Variants in MPDZ observed in about 807,000 individuals in gnomAD.
MPDZ encodes the protein multiple PDZ domain protein.
A neutral mutation model predicts 239.1 loss-of-function variants in MPDZ; 234 were observed. The ratio of observed to expected loss-of-function variants is 0.98; its 90% CI spans 0.88 to 1.09. The LOEUF is 1.09. Ranked by LOEUF, MPDZ falls within the 50% of genes least tolerant of loss-of-function variation. The pLI, the probability that MPDZ is intolerant of heterozygous loss-of-function variation, is 0.00. For synonymous variants in MPDZ, 1,048 were observed against 881.3 expected (o/e 1.19, Z -3.35); for missense variants, 3,175 against 2,510.0 (o/e 1.26, Z -5.66).
rs772699513 is a variant in MPDZ at position 13,121,856 on chromosome 9, C to T, written c.5114G>A (p.Arg1705His). Residue 1705 changes from arginine to histidine, a missense_variant, in exon 38 of 47, where the codon CGC becomes CAC. Arg to His is a conservative substitution (Grantham distance 29). Transcript: ENST00000319217. ...NVLRQTPQRV[R>H]LTLYRDEAPY... is the part of the protein sequence containing the mutation. The stretch of plus-strand genomic sequence containing the variant: ...GGCCTCATCTCTGTAGAGTGTCAGG[C>T]GCACTCTCTGTGGCGTCTGTCTCAG... 4.3e-5 allele frequency: 69 copies of T among 1,613,712 alleles called. No homozygotes were observed. In the East Asian group the frequency reaches 6.9e-4, roughly 16 times the overall value.
At chr9:13,278,658 T>C (rs11790299) in intron 1 of MPDZ, among the ~76,000 whole-genome samples, 23,739 of 150,846 alleles carry the variant, frequency 0.16, 2,056 homozygotes, top group Non-Finnish European at 0.17. Flanking sequence ...GCGCGGGGGG[T>C]GAGGAGACTA....
chr9:13,107,031 G>C lies in MPDZ; in HGVS notation c.6147C>G (p.Thr2049=), dbSNP rs1249265232. Residue 2049 remains threonine, a synonymous_variant, in exon 47 of 47, where the codon ACC becomes ACG. Transcript: ENST00000319217. ...AVNGQSLEGV[T]HEEAVAILKR... is the part of the protein sequence containing the mutation. ...TAAGGATGGCAACAGCTTCTTCATGGGTGACTCCTTCTAGACTCTGCCCAT... is the reference window on the plus strand; with the variant it reads ...TAAGGATGGCAACAGCTTCTTCATGCGTGACTCCTTCTAGACTCTGCCCAT... 2 of 1,613,156 alleles carry C rather than the reference G, an allele frequency of 1.2e-6. No homozygotes were observed. Among genetic ancestry groups the C allele is most frequent in the Middle Eastern group, 1.7e-4 (1 of 6,054 alleles).
intron 3 of MPDZ, among the ~76,000 whole-genome samples, chr9:13,236,191 G>GTA (rs963300467): frequency 8.7e-5 from 8 of 91,802 alleles, no homozygotes; most frequent in South Asian, 4.3e-4. Flanking sequence ...GTGTGTTTCT[G>GTA]TATATATGTG....
intron 39 of MPDZ, among the ~76,000 whole-genome samples, chr9:13,118,520 C>A (rs1165740354): frequency 6.6e-6 from 1 of 152,190 alleles, no homozygotes; most frequent in African/African-American, 2.4e-5. Context: ...TGAGCACTGT[C>A]ATGCAGGCTT....
intron 29 of MPDZ, 134 bp from the exon 30 acceptor site, chr9:13,136,937 T>TC (rs978795143): frequency 6.4e-6 from 3 of 465,448 alleles, no homozygotes; most frequent in Non-Finnish European, 1.1e-5. Flanking sequence ...TATATTTTCC[T>TC]CCCCAAAACA....
chr9:13,182,321 C>T (rs1285064854), intron 19 of MPDZ, among the ~76,000 whole-genome samples: 3 of 151,986 alleles, frequency 2.0e-5, no homozygotes, highest in East Asian at 3.9e-4. Context: ...GAACTCTTTG[C>T]CATGATTTAA....
rs909164955 is a variant in MPDZ, at chr9:13,232,790, G to T, written c.184-8207C>A. On this transcript the variant is annotated intron_variant, in intron 3 of 46. Coordinates refer to ENST00000319217, the MANE Select transcript of MPDZ (RefSeq NM_001378778.1). ...TACAATACAAATATCCAGCAAAGAA[G>T]TTGTATTCAGGAAATATAAAGAACT... Among the ~76,000 whole-genome samples, 7 of 148,430 alleles carry T rather than the reference G, an allele frequency of 4.7e-5. No individual in the cohort carries two copies. The Admixed American group carries it at 4.7e-4, about 10-fold the overall frequency.
intron 34 of MPDZ, among the ~76,000 whole-genome samples, chr9:13,125,920 C>T (rs1945042463): frequency 6.6e-6 from 1 of 152,118 alleles, no homozygotes; most frequent in African/African-American, 2.4e-5. Flanking sequence ...TAAAAAGTAA[C>T]TTTAAGCTTC....
chr9:13,279,290 C>T (rs1423728313), intron 1 of MPDZ, 110 bp downstream of exon 1: 1 of 139,598 alleles, frequency 7.2e-6, no homozygotes, highest in African/African-American at 2.5e-5. Flanking sequence ...CGCCCCCACC[C>T]CCACCCCCAA....
chr9:13,214,123 T>C (rs1957983866), intron 10 of MPDZ, among the ~76,000 whole-genome samples: 1 of 152,042 alleles, frequency 6.6e-6, no homozygotes, highest in African/African-American at 2.4e-5. Context: ...TGTACGTGAA[T>C]GTTCACAGCA....
At chr9:13,147,305 T>C (rs1040894198) in intron 26 of MPDZ, among the ~76,000 whole-genome samples, 3 of 152,052 alleles carry the variant, frequency 2.0e-5, no homozygotes, top group Admixed American at 2.0e-4. Context: ...TCTAGATACC[T>C]AGAGATACTG....
chr9:13,109,421 C>T (rs1013779053), intron 45 of MPDZ, among the ~76,000 whole-genome samples: 3 of 152,124 alleles, frequency 2.0e-5, no homozygotes, highest in Non-Finnish European at 1.5e-5. Context: ...TCATAAACAT[C>T]AGTACGCCCA....
At chr9:13,279,155 TTAAA>T (rs1974976186) in intron 1 of MPDZ, 2 of 150,082 alleles carry the variant, frequency 1.3e-5, no homozygotes, top group South Asian at 4.2e-4. Context: ...CCCCATCCTT[TTAAA>T]AAAGCCACAG....
intron 1 of MPDZ, among the ~76,000 whole-genome samples, chr9:13,254,247 C>G (rs1013731090): frequency 1.3e-5 from 2 of 152,140 alleles, no homozygotes; most frequent in African/African-American, 4.8e-5. Context: ...ATATTAGAAA[C>G]CACCGGTCGG....
Position 13,176,239 on chromosome 9 carries a change from T to G in MPDZ, c.2828A>C (p.Gln943Pro), listed in dbSNP as rs1357716880. The G allele has an allele frequency of 6.2e-7, 1 of 1,606,664 alleles. No individual in the cohort carries two copies. Among genetic ancestry groups the G allele is most frequent in the East Asian group, 2.2e-5 (1 of 44,564 alleles). Residue 943 changes from glutamine (Q) to proline (P), a missense_variant, in exon 20 of 47, where the codon CAA (glutamine) becomes CCA (proline). By Grantham distance (76) the Gln-to-Pro change is moderately conservative (BLOSUM62 -1). Transcript: ENST00000319217. ...DYTPANAIEQ[Q>P]YECENTIVWT... ...CACTATTGTGTTTTCACATTCATAT[T>G]GTTGTTCAATAGCATTTGCAGGTGT...
chr9:13,227,388 T>A (rs1252299601), intron 3 of MPDZ, among the ~76,000 whole-genome samples: 1 of 152,044 alleles, frequency 6.6e-6, no homozygotes, highest in Non-Finnish European at 1.5e-5. Context: ...TTTTTTTTTA[T>A]CCTGAGCCAT....
At chr9:13,195,645 TA>T in intron 13 of MPDZ, among the ~76,000 whole-genome samples, 1 of 152,128 alleles carries the variant, frequency 6.6e-6, no homozygotes, top group Middle Eastern at 3.4e-3. Flanking sequence ...CACCACAGCA[TA>T]AGTGGTATGA....
chr9:13,121,864 C>A lies in MPDZ; in HGVS notation c.5106G>T (p.Gln1702His), dbSNP rs959095849. ...CTCTGTAGAGTGTCAGGCGCACTCT[C>A]TGTGGCGTCTGTCTCAGGACATTGA... is the stretch of plus-strand genomic sequence containing the variant. ...EAINVLRQTPQRVRLTLYRDE... is the reference protein window; with the variant it reads ...EAINVLRQTPHRVRLTLYRDE... Residue 1702 changes from glutamine to histidine, a missense_variant, in exon 38 of 47, where the codon CAG becomes CAT. Coordinates refer to ENST00000319217, the MANE Select transcript of MPDZ (RefSeq NM_001378778.1). The A allele has an allele frequency of 6.2e-7, 1 of 1,613,840 alleles. No homozygotes were observed. The highest frequency in any genetic ancestry group is 2.2e-5 in the East Asian group (1 of 44,868).
At chr9:13,243,525 T>G (rs1489283189) in intron 3 of MPDZ, among the ~76,000 whole-genome samples, 4 of 152,162 alleles carry the variant, frequency 2.6e-5, no homozygotes, top group Non-Finnish European at 5.9e-5. Flanking sequence ...CCATTAGAAG[T>G]TGCTTCAAAT....
Sources: allele counts gnomAD v4.1 joint callset (sites outside exome capture counted in the v4.1 genomes callset), GRCh38; gene constraint gnomAD v4.1.1; transcripts MANE v1.5; gene names NCBI Gene and HGNC (gene_info 2026-07-23, HGNC 2026-07-21).